Variants in GSE1 observed in about 807,000 individuals in gnomAD.
The protein encoded by GSE1 is Gse1 coiled-coil protein, also known as genetic suppressor element 1.
Under a neutral mutation model 112.6 loss-of-function variants are expected in GSE1, and 32 were observed. The ratio of observed to expected loss-of-function variants is 0.28; its 90% CI spans 0.21 to 0.38. GSE1 has a LOEUF of 0.38. Ranked by LOEUF, GSE1 falls within the 10% of genes least tolerant of loss-of-function variation. The pLI, the probability that GSE1 is intolerant of heterozygous loss-of-function variation, is 1.00. For synonymous variants in GSE1, 1,115 were observed against 735.6 expected, an observed-to-expected ratio of 1.52 and a Z score of -8.35; for missense variants, 2,348 against 1,699.2, an observed-to-expected ratio of 1.38 and a Z score of -6.71.
intron 14 of GSE1, among the ~76,000 whole-genome samples, chr16:85,670,359 T>G (rs1278826161): frequency 1.3e-5 from 2 of 152,238 alleles, no homozygotes; most frequent in African/African-American, 4.8e-5. Context: ...GGTTCCCATT[T>G]CCGGAGTTTT....
At chr16:85,363,603 C>T (rs561493955) in intron 2 of GSE1, among the ~76,000 whole-genome samples, 20 of 152,122 alleles carry the variant, frequency 1.3e-4, no homozygotes, top group African/African-American at 4.8e-4. Context: ...AAGGAGGGAG[C>T]GAGGGTAATC....
intron 1 of GSE1, among the ~76,000 whole-genome samples, chr16:85,275,949 A>T (rs1341569866): frequency 6.6e-6 from 1 of 152,238 alleles, no homozygotes; most frequent in Non-Finnish European, 1.5e-5. Flanking sequence ...CTATAGGCAA[A>T]GTCAGAGGGG....
In GSE1 at chr16:85,279,621, A is replaced by G. The variant is rs114072450; in HGVS notation, c.2284-77842A>G. Reference sequence around the variant, plus strand: ...AATCAATCAATCAGTCAGTCAATCAATCAATCAATCAAACAGTGATGTAGC... The same window carrying G: ...AATCAATCAATCAGTCAGTCAATCAGTCAATCAATCAAACAGTGATGTAGC... On this transcript the variant is annotated intron_variant, in intron 1 of 2. Transcript: ENST00000637419. 8.0e-3 allele frequency among the ~76,000 whole-genome samples: 1,217 copies of G among 152,176 alleles called. 19 individuals are homozygous for G. The highest frequency in any genetic ancestry group is 0.028 in the African/African-American group (1,150 of 41,510).
chr16:85,565,780 G>A (rs2045721690), intron 1 of GSE1, among the ~76,000 whole-genome samples: 1 of 152,218 alleles, frequency 6.6e-6, no homozygotes, highest in African/African-American at 2.4e-5. Context: ...CCAGGCCAAA[G>A]CCTGAGAGAA....
intron 1 of GSE1, among the ~76,000 whole-genome samples, chr16:85,619,730 G>C (rs374302354): frequency 2.6e-5 from 4 of 152,184 alleles, no homozygotes; most frequent in East Asian, 3.8e-4. Context: ...CGTCAGGCGT[G>C]GTGGGGGGAC....
At chr16:85,403,240 TG>T (rs1448233431) in intron 2 of GSE1, among the ~76,000 whole-genome samples, 2 of 152,098 alleles carry the variant, frequency 1.3e-5, no homozygotes, top group Non-Finnish European at 2.9e-5. Context: ...GCACACGCAA[TG>T]GCAACCACAG....
At chr16:85,659,803 C>T (rs954706675) in intron 8 of GSE1, 12 of 152,244 alleles carry the variant, frequency 7.9e-5, no homozygotes, top group African/African-American at 2.7e-4. Context: ...TGGAAGGGTT[C>T]TGATGTTAGA....
At chr16:85,206,024 C>T (rs1022836436) in intron 1 of GSE1, among the ~76,000 whole-genome samples, 2 of 152,128 alleles carry the variant, frequency 1.3e-5, no homozygotes, top group African/African-American at 4.8e-5. Context: ...TGTCAGCGTG[C>T]CACCAGGACA....
chr16:85,347,900 C>T (rs972397973), intron 1 of GSE1, among the ~76,000 whole-genome samples: 6 of 152,214 alleles, frequency 3.9e-5, no homozygotes, highest in African/African-American at 1.4e-4. Context: ...GATTTTTCAG[C>T]CCCAGCAGCC....
chr16:85,220,874 C>T (rs1272137332), intron 1 of GSE1, among the ~76,000 whole-genome samples: 2 of 152,006 alleles, frequency 1.3e-5, no homozygotes, highest in Non-Finnish European at 2.9e-5. Flanking sequence ...TTGCAGGAAA[C>T]CTTCCCAAAT....
At chr16:85,280,435 G>T (rs374820579) in intron 1 of GSE1, among the ~76,000 whole-genome samples, 1 of 152,074 alleles carries the variant, frequency 6.6e-6, no homozygotes, top group Non-Finnish European at 1.5e-5. Context: ...TCTCTCTGTT[G>T]CCCAGGCTGG....
At position 85,591,857 on chromosome 16, in the gene GSE1, C is replaced by T. The variant is rs143614906; in HGVS notation, c.37+35494C>T. ...TCCTGGAGCTGACTTTCCGGAGCAG[C>T]GCTGTCTGCTGGAACATTCTACACT... On this transcript the variant is annotated intron_variant, in intron 1 of 2. Coordinates refer to the GSE1 transcript ENST00000635906. 2.4e-3 allele frequency among the ~76,000 whole-genome samples: 365 copies of T among 152,326 alleles called. 2 individuals are homozygous for T. The highest frequency in any genetic ancestry group is 8.3e-3 in the African/African-American group (344 of 41,572).
chr16:85,258,583 C>T (rs920433527), intron 1 of GSE1, among the ~76,000 whole-genome samples: 3 of 152,106 alleles, frequency 2.0e-5, no homozygotes, highest in South Asian at 2.1e-4. Flanking sequence ...GGTGCCAGGG[C>T]GCCTCTGCCC....
intron 2 of GSE1, among the ~76,000 whole-genome samples, chr16:85,525,536 G>A (rs868267972): frequency 3.3e-5 from 5 of 152,216 alleles, no homozygotes; most frequent in Admixed American, 6.5e-5. Flanking sequence ...TCCTGTGGGG[G>A]TGAATACCTC....
chr16:85,520,132 G>A (rs2052131021), intron 2 of GSE1, among the ~76,000 whole-genome samples: 1 of 152,362 alleles, frequency 6.6e-6, no homozygotes, highest in East Asian at 1.9e-4. Flanking sequence ...CCAAGATCAA[G>A]GTGCTGGCAG....
intron 2 of GSE1, among the ~76,000 whole-genome samples, chr16:85,451,117 T>C (rs1010513657): frequency 2.1e-5 from 3 of 144,478 alleles, no homozygotes; most frequent in Non-Finnish European, 4.5e-5. Flanking sequence ...TATTCAGATA[T>C]AGCTTACGCA....
At chr16:85,187,234 C>A (rs2074722672) in intron 1 of GSE1, among the ~76,000 whole-genome samples, 1 of 152,240 alleles carries the variant, frequency 6.6e-6, no homozygotes, top group African/African-American at 2.4e-5. Context: ...GTGGCTGCAG[C>A]AGCTCCAGGG....
intron 1 of GSE1, among the ~76,000 whole-genome samples, chr16:85,281,467 G>A (rs1185765016): frequency 1.3e-5 from 2 of 152,162 alleles, no homozygotes; most frequent in Non-Finnish European, 2.9e-5. Flanking sequence ...GAGGCCCACA[G>A]GGATGGGGTG....
exon 1 of GSE1, chr16:85,169,871 A>G: frequency 1.0e-6 from 1 of 984,334 alleles, no homozygotes; most frequent in Non-Finnish European, 1.2e-6. Context: ...TACTGGCTCA[A>G]GCGGCCCCAC....
Sources: gnomAD v4.1 joint callset for allele counts (sites outside exome capture counted in the v4.1 genomes callset) on GRCh38, gnomAD v4.1.1 for gene constraint, MANE v1.5 for transcripts, NCBI Gene and HGNC (gene_info 2026-07-23, HGNC 2026-07-21) for gene names.